Variants in FHIT observed in about 807,000 individuals in gnomAD.
FHIT encodes the protein bis(5'-adenosyl)-triphosphatase.
In FHIT, 19 loss-of-function variants were observed where a neutral mutation model predicts 17.9. That is an observed-to-expected ratio of 1.06 (90% CI 0.74 to 1.56). The LOEUF is 1.56. Among genes scored for constraint, FHIT ranks in the 40% most tolerant of loss-of-function variants. The pLI is 0.00. For missense variants in FHIT, 248 were observed against 189.2 expected, an observed-to-expected ratio of 1.31 and a Z score of -1.82; for synonymous variants, 81 against 69.7, an observed-to-expected ratio of 1.16 and a Z score of -0.81.
intron 3 of FHIT, among the ~76,000 whole-genome samples, chr3:60,853,775 C>T (rs139035211): frequency 2.6e-5 from 4 of 152,170 alleles, no homozygotes; most frequent in Admixed American, 6.6e-5. Context: ...AACATAAGTA[C>T]TCTTTTTCTT....
chr3:60,021,062 A>G (rs1288854175), intron 5 of FHIT, among the ~76,000 whole-genome samples: 1 of 152,218 alleles, frequency 6.6e-6, no homozygotes, highest in Non-Finnish European at 1.5e-5. Flanking sequence ...AATGACACAG[A>G]TGTAATTTTA....
intron 4 of FHIT, among the ~76,000 whole-genome samples, chr3:60,615,369 T>A (rs2038920482): frequency 6.6e-6 from 1 of 152,196 alleles, no homozygotes; most frequent in South Asian, 2.1e-4. Flanking sequence ...GTAGGAAACG[T>A]GATTCCGTGG....
At chr3:60,232,269 CTT>C (rs1209749045) in intron 5 of FHIT, among the ~76,000 whole-genome samples, 1 of 152,122 alleles carries the variant, frequency 6.6e-6, no homozygotes, top group Non-Finnish European at 1.5e-5. Flanking sequence ...GACAGCCAGA[CTT>C]TTCAGATTTA....
chr3:59,761,610 T>C (rs60110381), intron 8 of FHIT, among the ~76,000 whole-genome samples: 1 of 144,572 alleles, frequency 6.9e-6, no homozygotes, highest in African/African-American at 2.5e-5. Context: ...CAATTTATTT[T>C]ATTTTTTTTT....
At chr3:60,196,586 T>G (rs1037958074) in intron 5 of FHIT, among the ~76,000 whole-genome samples, 1 of 152,054 alleles carries the variant, frequency 6.6e-6, no homozygotes, top group African/African-American at 2.4e-5. Context: ...AATTAATACC[T>G]CTTTGGGGGA....
At chr3:60,078,170 T>G (rs1245746775) in intron 5 of FHIT, among the ~76,000 whole-genome samples, 5 of 152,054 alleles carry the variant, frequency 3.3e-5, no homozygotes, top group Non-Finnish European at 7.4e-5. Context: ...AAAAACATAC[T>G]ACATTTTCTA....
At chr3:59,909,181 G>A (rs1470983731) in intron 8 of FHIT, among the ~76,000 whole-genome samples, 2 of 151,686 alleles carry the variant, frequency 1.3e-5, no homozygotes, top group African/African-American at 2.4e-5. Flanking sequence ...CTATAGGCAC[G>A]CACCATCGAC....
chr3:60,365,320 C>T (rs1378365589), intron 5 of FHIT, among the ~76,000 whole-genome samples: 2 of 151,882 alleles, frequency 1.3e-5, no homozygotes, highest in Non-Finnish European at 2.9e-5. Flanking sequence ...GTTACATGTT[C>T]CCTTTAATCA....
At chr3:60,174,271 A>C (rs1701568921) in intron 5 of FHIT, among the ~76,000 whole-genome samples, 1 of 151,934 alleles carries the variant, frequency 6.6e-6, no homozygotes, top group Non-Finnish European at 1.5e-5. Context: ...TTATGGCTAC[A>C]CCACAAAAAT....
chr3:60,772,240 G>A (rs1451111804), intron 4 of FHIT, among the ~76,000 whole-genome samples: 3 of 144,474 alleles, frequency 2.1e-5, no homozygotes, highest in African/African-American at 7.7e-5. Context: ...CTGATATGCA[G>A]AAGCATCCAG....
intron 3 of FHIT, among the ~76,000 whole-genome samples, chr3:60,839,982 C>T (rs2106857276): frequency 6.6e-6 from 1 of 152,208 alleles, no homozygotes; most frequent in Middle Eastern, 3.4e-3. Context: ...CTTCATGCTG[C>T]CTCTCAGAGG....
At chr3:60,071,118 T>G (rs115856322) in intron 5 of FHIT, among the ~76,000 whole-genome samples, 5,722 of 152,224 alleles carry the variant, frequency 0.038, 135 homozygotes, top group South Asian at 0.076. Context: ...CATGCCCTAG[T>G]CCTGCTGTAT....
chr3:60,092,364 T>G (rs1170668015), intron 5 of FHIT, among the ~76,000 whole-genome samples: 1 of 152,216 alleles, frequency 6.6e-6, no homozygotes, highest in African/African-American at 2.4e-5. Context: ...GTTCTCAACC[T>G]AAGAAATAAT....
At chr3:59,831,730 G>A (rs746384443) in intron 8 of FHIT, among the ~76,000 whole-genome samples, 1 of 152,068 alleles carries the variant, frequency 6.6e-6, no homozygotes, top group African/African-American at 2.4e-5. Context: ...CAGTGGAATA[G>A]GGAATGGGGG....
rs187227535 is a variant in FHIT, at chr3:60,930,113, G to C, written c.-110-108102C>G. Among the ~76,000 whole-genome samples, 1,328 of 152,010 alleles carry C rather than the reference G, an allele frequency of 8.7e-3. 11 individuals carry two copies. The highest frequency in any genetic ancestry group is 0.027 in the Middle Eastern group (8 of 294). ...AAACCTGAGAAAAACAAGCAGTGGGGAAAGGATTCCCTATTTAATAAATGG... is the reference window on the plus strand; with the variant it reads ...AAACCTGAGAAAAACAAGCAGTGGGCAAAGGATTCCCTATTTAATAAATGG... On this transcript the variant is annotated intron_variant, in intron 3 of 9. Coordinates refer to ENST00000492590, the MANE Select transcript of FHIT (RefSeq NM_002012.4).
At chr3:60,533,794 C>G (rs1286076519) in intron 5 of FHIT, among the ~76,000 whole-genome samples, 2 of 152,124 alleles carry the variant, frequency 1.3e-5, no homozygotes, top group Non-Finnish European at 2.9e-5. Context: ...AAAAACTATT[C>G]TAAGGAATTT....
chr3:59,812,174 G>A (rs1700430742), intron 8 of FHIT, among the ~76,000 whole-genome samples: 3 of 152,102 alleles, frequency 2.0e-5, no homozygotes, highest in South Asian at 2.1e-4. Flanking sequence ...CCATGCACAC[G>A]ACAGTCACTC....
intron 8 of FHIT, among the ~76,000 whole-genome samples, chr3:59,808,739 A>T (rs1575530173): frequency 6.6e-6 from 1 of 152,132 alleles, no homozygotes; most frequent in East Asian, 1.9e-4. Context: ...CTTTAACTAC[A>T]CCGATTTGGC....
intron 2 of FHIT, among the ~76,000 whole-genome samples, chr3:61,108,344 T>G (rs2106878060): frequency 6.6e-6 from 1 of 152,318 alleles, no homozygotes; most frequent in Non-Finnish European, 1.5e-5. Context: ...ATTATTATTA[T>G]TCATTCAACA....
Sources: gnomAD v4.1 joint callset for allele counts (sites outside exome capture counted in the v4.1 genomes callset) on GRCh38, gnomAD v4.1.1 for gene constraint, MANE v1.5 for transcripts, NCBI Gene and HGNC (gene_info 2026-07-23, HGNC 2026-07-21) for gene names.